The following BCL9 variants were observed in gnomAD, a reference collection of about 807,000 sequenced individuals.
BCL9 encodes the protein BCL9 transcription coactivator.
A neutral mutation model predicts 88.5 loss-of-function variants in BCL9; 25 were observed. The ratio of observed to expected loss-of-function variants is 0.28; its 90% CI spans 0.21 to 0.39. The LOEUF (loss-of-function observed/expected upper bound fraction) is 0.39, where lower values mean the gene tolerates loss of function less well. Among genes scored for constraint, BCL9 ranks in the 10% least tolerant of loss-of-function variants. The probability of loss-of-function intolerance (pLI) is 1.00; values close to 1 mark genes in which losing one functional copy is unlikely to be tolerated. For missense variants in BCL9, 1,817 were observed against 1,877.8 expected, an observed-to-expected ratio of 0.97 and a Z score of 0.60; for synonymous variants, 711 against 673.3, an observed-to-expected ratio of 1.06 and a Z score of -0.87.
intron 1 of BCL9, among the ~76,000 whole-genome samples, chr1:147,556,272 C>T (rs2101485614): frequency 8.7e-6 from 1 of 115,166 alleles, no homozygotes; most frequent in East Asian, 2.6e-4. Context: ...GAGCCCGCCA[C>T]CACTCCTGAC....
intron 9 of BCL9, 44 bp downstream of exon 9, chr1:147,622,575 AAG>A: frequency 6.2e-7 from 1 of 1,607,634 alleles, no homozygotes; most frequent in Non-Finnish European, 8.5e-7. Flanking sequence ...TGCTAGACCA[AAG>A]AGAAACCTCT....
chr1:147,622,796 T>G (rs1316067449), intron 9 of BCL9, among the ~76,000 whole-genome samples: 2 of 152,162 alleles, frequency 1.3e-5, no homozygotes, highest in East Asian at 3.9e-4. Flanking sequence ...TTTGAGGGTT[T>G]GTTGTTTTTG....
In BCL9 at chr1:147,623,207, G is replaced by T. The variant is rs777673203; in HGVS notation, c.3164-635G>T. 3.8e-4 allele frequency among the ~76,000 whole-genome samples: 58 copies of T among 151,988 alleles called. 1 individual carries two copies. The highest frequency in any genetic ancestry group is 7.9e-4 in the Admixed American group (12 of 15,258). ...TTTATCAGTAACTCTAATTAACTGG[G>T]TTAGTACATGTACCAGGAACAGCAT... On this transcript the variant is annotated intron_variant, in intron 9 of 9. Transcript: ENST00000234739.
chr1:147,620,213 G>C lies in BCL9; in HGVS notation c.2058G>C (p.Leu686=). 6.2e-7 allele frequency: 1 copy of C among 1,614,100 alleles called. No individual in the cohort carries two copies. Among genetic ancestry groups the C allele is most frequent in the Non-Finnish European group, 8.5e-7 (1 of 1,179,974 alleles). The change falls in exon 8 of 10, where the codon CTG becomes CTC. Residue 686 remains leucine (L), a synonymous_variant. Transcript: ENST00000234739. Reference sequence around the variant, plus strand: ...CTCGAATACCAGTTGAGGGCCCTCTGAGTCCTTCTAGGGGTGACTTTCCAA... The same window carrying C: ...CTCGAATACCAGTTGAGGGCCCTCTCAGTCCTTCTAGGGGTGACTTTCCAA... The part of the protein sequence containing the change: ...IFPRIPVEGP[L]SPSRGDFPKG...
intron 1 of BCL9, among the ~76,000 whole-genome samples, chr1:147,582,798 C>A (rs1553198791): frequency 6.6e-6 from 1 of 152,196 alleles, no homozygotes; most frequent in East Asian, 1.9e-4. Flanking sequence ...GCAATAGAGA[C>A]TGTATGACCT....
chr1:147,556,604 C>T (rs1262321701), intron 1 of BCL9, among the ~76,000 whole-genome samples: 1 of 151,996 alleles, frequency 6.6e-6, no homozygotes, highest in Non-Finnish European at 1.5e-5. Flanking sequence ...TGCATCACCA[C>T]ACTTAGCTAA....
At chr1:147,608,727 C>T (rs982092878) in intron 3 of BCL9, among the ~76,000 whole-genome samples, 6 of 152,144 alleles carry the variant, frequency 3.9e-5, no homozygotes, top group African/African-American at 1.4e-4. Flanking sequence ...AGCGTGCTTG[C>T]TAGAGAGTGT....
Position 147,615,837 on chromosome 1 carries a change from A to T in BCL9, c.595A>T (p.Thr199Ser). 1 of 1,614,200 alleles carries T rather than the reference A, an allele frequency of 6.2e-7. No homozygotes were observed. Among genetic ancestry groups the T allele is most frequent in the Non-Finnish European group, 8.5e-7 (1 of 1,180,040 alleles). ...AEAVLKGQVE[T>S]IVSFHIQNIS... ...AGCTGTTTTGAAGGGCCAGGTTGAA[A>T]CTATCGTCTCTTTCCACATCCAGAA... is the stretch of plus-strand genomic sequence containing the variant. Residue 199 changes from threonine to serine, a missense_variant, in exon 7 of 10, where the codon ACT becomes TCT. Thr to Ser is a moderately conservative substitution (Grantham distance 58, BLOSUM62 1). Around this residue, in one of 2 missense-constraint regions of BCL9, gnomAD observed 1,228 missense variants for 1,191.6 expected, o/e 1.03. Transcript: ENST00000234739.
At chr1:147,560,055 T>C (rs1655305063) in intron 1 of BCL9, among the ~76,000 whole-genome samples, 1 of 152,154 alleles carries the variant, frequency 6.6e-6, no homozygotes, top group African/African-American at 2.4e-5. Context: ...TACAGACTGT[T>C]GTAAAGTTAA....
At chr1:147,581,977 A>T (rs587763404) in intron 1 of BCL9, among the ~76,000 whole-genome samples, 5 of 152,304 alleles carry the variant, frequency 3.3e-5, no homozygotes, top group African/African-American at 1.2e-4. Context: ...CATTGTAGAG[A>T]ACTAAAACAA....
At chr1:147,606,433 T>C (rs926358836) in intron 2 of BCL9, among the ~76,000 whole-genome samples, 2 of 152,206 alleles carry the variant, frequency 1.3e-5, no homozygotes, top group Non-Finnish European at 1.5e-5. Context: ...ATCTCTATAC[T>C]AATAAGGAAT....
chr1:147,587,193 C>G (rs1656651430), intron 1 of BCL9, among the ~76,000 whole-genome samples: 1 of 152,114 alleles, frequency 6.6e-6, no homozygotes, highest in South Asian at 2.1e-4. Flanking sequence ...CGCTAAGTCA[C>G]TCCCTCCCCT....
At chr1:147,566,700 G>T (rs945822670) in intron 1 of BCL9, among the ~76,000 whole-genome samples, 42 of 151,696 alleles carry the variant, frequency 2.8e-4, no homozygotes, top group Non-Finnish European at 5.3e-4. Flanking sequence ...AGTTTGCAGT[G>T]AGCCGAAATC....
At position 147,611,733 on chromosome 1, in the gene BCL9, G is replaced by C. The variant is rs1553202613; in HGVS notation, c.-104G>C. The C allele has an allele frequency of 9.1e-7, 1 of 1,095,682 alleles. No individual in the cohort carries two copies. The highest frequency in any genetic ancestry group is 1.5e-5 in the African/African-American group (1 of 64,530). The allele number at this position is 1,095,682 out of a possible 1,614,324, so 67.9% of individuals were successfully genotyped here. Reference sequence around the variant, plus strand: ...GAGCGCTAAGGGACGCACCCAGCAAGCAGTGGGCCAGTGCCACTGCCCCCA... The same window carrying C: ...GAGCGCTAAGGGACGCACCCAGCAACCAGTGGGCCAGTGCCACTGCCCCCA... On this transcript the variant is annotated 5_prime_UTR_variant, in exon 4 of 10. Coordinates refer to ENST00000234739, the MANE Select transcript of BCL9 (RefSeq NM_004326.4).
chr1:147,586,661 A>G (rs1212726043), intron 1 of BCL9, among the ~76,000 whole-genome samples: 3 of 152,086 alleles, frequency 2.0e-5, no homozygotes, highest in Admixed American at 6.5e-5. Flanking sequence ...TCGGGACCCT[A>G]TGGACCACAC....
intron 1 of BCL9, among the ~76,000 whole-genome samples, chr1:147,603,493 GT>G (rs1370715505): frequency 6.6e-6 from 1 of 151,932 alleles, no homozygotes; most frequent in Non-Finnish European, 1.5e-5. Context: ...CTAGATCAGG[GT>G]TTTTTGTTTT....
At chr1:147,615,133 G>A (rs1441090707) in intron 6 of BCL9, among the ~76,000 whole-genome samples, 2 of 152,052 alleles carry the variant, frequency 1.3e-5, no homozygotes, top group Non-Finnish European at 1.5e-5. Flanking sequence ...GAGCCACCGC[G>A]CCTGGCCATA....
intron 4 of BCL9, among the ~76,000 whole-genome samples, 158 bp from the exon 5 acceptor site, chr1:147,612,724 CA>C (rs781892966): frequency 1.3e-5 from 2 of 152,088 alleles, no homozygotes; most frequent in East Asian, 1.9e-4. Flanking sequence ...GAGATGGGAT[CA>C]GGGGTGGCGG....
rs1553206121 is a variant in BCL9 at position 147,624,478 on chromosome 1, G to T, written c.3800G>T (p.Gly1267Val). Residue 1267 changes from glycine to valine, a missense_variant, in exon 10 of 10, where the codon GGA becomes GTA. Around this residue, in one of 2 missense-constraint regions of BCL9, gnomAD observed 589 missense variants for 686.2 expected, o/e 0.86. Transcript: ENST00000234739. This position sits in a 1 kb window ranked among gnomAD's most constrained non-coding sequence, Gnocchi z 4.4. ...GGCCGTAAACAGCCCCAGGGTCCTG[G>T]ACCTGGGTTTTCACACATGCAGGGG... The part of the protein sequence containing the change: ...VPGRKQPQGP[G>V]PGFSHMQGMM... 1 of 1,614,194 alleles carries T rather than the reference G, an allele frequency of 6.2e-7. No homozygotes were observed.
Sources: gnomAD v4.1 joint callset for allele counts (sites outside exome capture counted in the v4.1 genomes callset) on GRCh38, gnomAD v4.1.1 for gene constraint, gnomAD v4.1.1 regional missense constraint, Gnocchi (gnomAD v3.1) non-coding constraint, MANE v1.5 for transcripts, NCBI Gene and HGNC (gene_info 2026-07-23, HGNC 2026-07-21) for gene names.